The following MARF1 variants were observed in gnomAD, a reference collection of about 807,000 sequenced individuals.
MARF1 encodes the protein meiosis regulator and mRNA stability factor 1.
Under a neutral mutation model 168.2 loss-of-function variants are expected in MARF1, and 24 were observed. The observed-to-expected ratio is 0.14, with a 90% CI of 0.10 to 0.20. The LOEUF (loss-of-function observed/expected upper bound fraction) is 0.20, where lower values mean the gene tolerates loss of function less well. Ranked by LOEUF, MARF1 falls within the 10% of genes least tolerant of loss-of-function variation. MARF1 has a pLI of 1.00. For synonymous variants in MARF1, 868 were observed against 822.4 expected (o/e 1.06, Z -0.95); for missense variants, 1,744 against 2,143.6 (o/e 0.81, Z 3.68).
At chr16:15,624,741 C>T in intron 10 of MARF1, 28 bp downstream of exon 10, 1 of 1,603,258 alleles carries the variant, frequency 6.2e-7, no homozygotes, top group Non-Finnish European at 8.5e-7. Context: ...CATGTAACCA[C>T]CCCCATGGGT....
Position 15,604,213 on chromosome 16 carries a change from G to T in MARF1, c.4368C>A (p.Phe1456Leu), listed in dbSNP as rs2032798521. Residue 1456 changes from phenylalanine (F) to leucine (L), a missense_variant, in exon 22 of 27, where the codon TTC (phenylalanine) becomes TTA (leucine). Transcript: ENST00000396368. ...NTPLNPCEYG[F>L]MTLTELLKSL... ...TCTTCAGCAGTTCGGTCAAGGTCATGAATCCATATTCACAGGGGTTAAGGG... is the reference window on the plus strand; with the variant it reads ...TCTTCAGCAGTTCGGTCAAGGTCATTAATCCATATTCACAGGGGTTAAGGG... The T allele has an allele frequency of 6.2e-7, 1 of 1,614,206 alleles. No individual in the cohort carries two copies. The highest frequency in any genetic ancestry group is 8.5e-7 in the Non-Finnish European group (1 of 1,180,030).
rs749007150 is a variant in MARF1 at position 15,604,392 on chromosome 16, C to T, written c.4189G>A (p.Asp1397Asn). The T allele has an allele frequency of 5.0e-6, 8 of 1,611,548 alleles. No homozygotes were observed. The highest frequency in any genetic ancestry group is 5.9e-6 in the Non-Finnish European group (7 of 1,177,634). Residue 1397 changes from aspartate (D) to asparagine (N), a missense_variant, in exon 22 of 27, where the codon GAT becomes AAT. Around this residue, in one of 7 missense-constraint regions of MARF1, gnomAD observed 74 missense variants for 66.7 expected, o/e 1.11. Coordinates refer to ENST00000396368, the MANE Select transcript of MARF1 (RefSeq NM_014647.4). ...TGAATCTGTCTGCCAGATTCTATAT[C>T]GGCAACCTGGGGAAAACGAGAATTC... ...QKLCHVVKVA[D>N]IESGRQIQLI...
chr16:15,605,821 C>T (rs768830399), intron 21 of MARF1: 3 of 152,342 alleles, frequency 2.0e-5, no homozygotes, highest in Non-Finnish European at 4.4e-5. Context: ...GCTGCTCACA[C>T]CCCAGCTGCC....
At chr16:15,613,380 C>T (rs374912598) in intron 16 of MARF1, among the ~76,000 whole-genome samples, 18 of 152,012 alleles carry the variant, frequency 1.2e-4, no homozygotes, top group South Asian at 2.1e-4. Context: ...CTGGTCGCGG[C>T]GGCTCATGCC....
intron 23 of MARF1, chr16:15,601,322 T>C: frequency 3.0e-6 from 1 of 333,744 alleles, no homozygotes; most frequent in Non-Finnish European, 5.9e-6. Flanking sequence ...CCCAGACCTC[T>C]GCAGTGGCCA....
chr16:15,626,630 A>T (rs892095468), intron 7 of MARF1, among the ~76,000 whole-genome samples: 10 of 152,224 alleles, frequency 6.6e-5, no homozygotes, highest in African/African-American at 2.4e-4. Flanking sequence ...GTGGGTAGTC[A>T]TAATTCTTCC....
At chr16:15,613,760 A>T (rs576142253) in intron 16 of MARF1, among the ~76,000 whole-genome samples, 1 of 152,242 alleles carries the variant, frequency 6.6e-6, no homozygotes, top group South Asian at 2.1e-4. Flanking sequence ...GGAGTGGCAT[A>T]ATCTATGGCC....
chr16:15,600,013 A>G (rs1464940387), intron 25 of MARF1, among the ~76,000 whole-genome samples: 2 of 152,168 alleles, frequency 1.3e-5, no homozygotes, highest in African/African-American at 4.8e-5. Flanking sequence ...GCTGGCCTGC[A>G]TGCCTATAGC....
intron 22 of MARF1, chr16:15,602,715 C>G (rs1430697701): frequency 3.4e-5 from 15 of 446,296 alleles, no homozygotes; most frequent in Middle Eastern, 3.3e-4. Context: ...AACTTCAGTT[C>G]TATTTGCAAG....
chr16:15,639,044 A>G (rs756248128), intron 2 of MARF1, 46 bp downstream of exon 2: 3 of 1,581,798 alleles, frequency 1.9e-6, no homozygotes. Flanking sequence ...TCTCTCATCT[A>G]TTTGGATGAG....
At chr16:15,630,606 G>A (rs527659595) in intron 6 of MARF1, 102 bp from the exon 7 acceptor site, 2 of 1,059,692 alleles carry the variant, frequency 1.9e-6, no homozygotes, top group South Asian at 4.7e-5. Context: ...GGAAAGGCTG[G>A]ACTATATTCA....
intron 8 of MARF1, 66 bp from the exon 9 acceptor site, chr16:15,625,239 GA>G (rs2034762999): frequency 6.3e-7 from 1 of 1,576,538 alleles, no homozygotes; most frequent in Admixed American, 1.9e-5. Flanking sequence ...ATCCTTTACA[GA>G]AAACGATTGA....
intron 22 of MARF1, chr16:15,602,511 TG>T: frequency 2.1e-6 from 1 of 478,700 alleles, no homozygotes; most frequent in Non-Finnish European, 3.7e-6. Flanking sequence ...AAGACGACGA[TG>T]AAGAAGACGA....
rs1428039688 is a variant in MARF1, at chr16:15,622,924, A to G, written c.2460+10T>C. On this transcript the variant is annotated intron_variant, in intron 11 of 26. Transcript: ENST00000396368. ...GTATAACAAAGCAAGCACAAGAGGG[A>G]AAAAGTTACCTTGCCATGCCTGGCA... 2 of 1,561,170 alleles carry G rather than the reference A, an allele frequency of 1.3e-6. No individual in the cohort carries two copies. The highest frequency in any genetic ancestry group is 2.7e-5 in the African/African-American group (2 of 73,650).
intron 11 of MARF1, 122 bp from the exon 12 acceptor site, chr16:15,622,033 C>T (rs1451628906): frequency 1.2e-6 from 1 of 814,680 alleles, no homozygotes; most frequent in Non-Finnish European, 1.9e-6. Context: ...AGGAGTATGT[C>T]TGAACTCTGC....
rs770537911 is a variant in MARF1 at position 15,635,701 on chromosome 16, C to G, written c.786G>C (p.Pro262=). The change falls in exon 3 of 27, where the codon CCG becomes CCC. Residue 262 remains proline, a synonymous_variant. Coordinates refer to ENST00000396368, the MANE Select transcript of MARF1 (RefSeq NM_014647.4). ...AGTAAAGTGAGCCCTTTAAACAAAC[C>G]GGAGGTACCACATTAAGGTGCAAAG... is the stretch of plus-strand genomic sequence containing the variant. ...TNSLHLNVVP[P]VCLKGSLYCE... is the part of the protein sequence containing the mutation. 3 of 1,614,072 alleles carry G rather than the reference C, an allele frequency of 1.9e-6. No individual in the cohort carries two copies. In the South Asian group the frequency reaches 3.3e-5, roughly 18 times the overall value.
intron 19 of MARF1, 145 bp downstream of exon 19, chr16:15,610,830 C>CA: frequency 1.3e-6 from 1 of 749,724 alleles, no homozygotes; most frequent in Non-Finnish European, 2.2e-6. Context: ...ACACAGAATC[C>CA]AAAGAGCAGC....
At position 15,598,783 on chromosome 16, in the gene MARF1, A is replaced by G. The variant is rs1464208729; in HGVS notation, c.4984+71T>C. ...TCCCTTCCCACCTCCGTCATTTACT[A>G]TATCAGTATCTCATCGTGGTTTTGT... On this transcript the variant is annotated intron_variant, in intron 26 of 26. Transcript: ENST00000396368. 34 of 1,425,166 alleles carry G rather than the reference A, an allele frequency of 2.4e-5. 1 individual carries two copies. Among genetic ancestry groups the G allele is most frequent in the Middle Eastern group, 2.0e-4 (1 of 4,984 alleles). The allele number at this position is 1,425,166 out of a possible 1,614,324, so 88.3% of individuals were successfully genotyped here. A position where few individuals can be genotyped will look rare whatever the true frequency, so the allele number is the denominator to read the frequency against.
intron 7 of MARF1, among the ~76,000 whole-genome samples, chr16:15,626,533 A>G (rs950782124): frequency 6.6e-6 from 1 of 152,238 alleles, no homozygotes; most frequent in African/African-American, 2.4e-5. Flanking sequence ...TTAAGTAAAC[A>G]AAAATTTTTT....
Sources: gnomAD v4.1 joint callset for allele counts (sites outside exome capture counted in the v4.1 genomes callset) on GRCh38, gnomAD v4.1.1 for gene constraint, gnomAD v4.1.1 regional missense constraint, MANE v1.5 for transcripts, NCBI Gene and HGNC (gene_info 2026-07-23, HGNC 2026-07-21) for gene names.